SULF1: variants seen among roughly 807,000 people sequenced by gnomAD.
SULF1 encodes the protein sulfatase 1.
In SULF1, 46 loss-of-function variants were observed where a neutral mutation model predicts 110.5. The ratio of observed to expected loss-of-function variants is 0.42; its 90% CI spans 0.33 to 0.53. SULF1 has a LOEUF of 0.53. Ranked by LOEUF, SULF1 falls within the 20% of genes least tolerant of loss-of-function variation. SULF1 has a pLI of 0.12. For synonymous variants in SULF1, 371 were observed against 387.1 expected (o/e 0.96, Z 0.49); for missense variants, 941 against 1,094.2 (o/e 0.86, Z 1.98).
chr8:69,641,758 T>A (rs1331578048), intron 22 of SULF1, among the ~76,000 whole-genome samples: 3 of 151,480 alleles, frequency 2.0e-5, no homozygotes, highest in East Asian at 3.9e-4. Flanking sequence ...AATAAATAAA[T>A]AAATAAAAAA....
At chr8:69,606,761 G>T (rs895578477) in intron 13 of SULF1, among the ~76,000 whole-genome samples, 8 of 152,118 alleles carry the variant, frequency 5.3e-5, no homozygotes, top group African/African-American at 1.2e-4. Context: ...CATATTTTTT[G>T]AACTTGTTTT....
chr8:69,656,966 G>T (rs2130755374), intron 22 of SULF1, among the ~76,000 whole-genome samples: 1 of 152,252 alleles, frequency 6.6e-6, no homozygotes, highest in Non-Finnish European at 1.5e-5. Flanking sequence ...CTACTTCTCT[G>T]CAACCTTGCC....
At position 69,608,283 on chromosome 8, in the gene SULF1, T is replaced by A. The variant is rs190097101; in HGVS notation, c.1377+3351T>A. On this transcript the variant is annotated intron_variant, in intron 13 of 22. Coordinates refer to ENST00000402687, the MANE Select transcript of SULF1 (RefSeq NM_001128205.2). ...AAGTGATATTATACATGTAATGTACTAAAGTGAGACTGAGATTTTCTCTAG... is the reference window on the plus strand; with the variant it reads ...AAGTGATATTATACATGTAATGTACAAAAGTGAGACTGAGATTTTCTCTAG... Among the ~76,000 whole-genome samples the A allele has an allele frequency of 7.4e-4, 112 of 152,372 alleles. 2 individuals are homozygous for A. The highest frequency in any genetic ancestry group is 7.8e-4 in the Admixed American group (12 of 15,306).
chr8:69,655,399 A>G (rs1812650900), intron 22 of SULF1, among the ~76,000 whole-genome samples: 1 of 152,178 alleles, frequency 6.6e-6, no homozygotes, highest in Non-Finnish European at 1.5e-5. Flanking sequence ...TAATACTCCA[A>G]TACATATTCT....
chr8:69,571,532 A>G (rs1805232871), intron 5 of SULF1, among the ~76,000 whole-genome samples: 1 of 152,212 alleles, frequency 6.6e-6, no homozygotes, highest in African/African-American at 2.4e-5. Flanking sequence ...ATGAGTGTTC[A>G]GCTTTACAAT....
At chr8:69,645,720 T>A (rs1182357905) in intron 22 of SULF1, among the ~76,000 whole-genome samples, 1 of 146,696 alleles carries the variant, frequency 6.8e-6, no homozygotes, top group East Asian at 1.9e-4. Context: ...AAGACTCGTG[T>A]GGGGACTTAT....
chr8:69,516,754 G>T (rs1586279895), intron 3 of SULF1, among the ~76,000 whole-genome samples: 1 of 152,150 alleles, frequency 6.6e-6, no homozygotes, highest in Non-Finnish European at 1.5e-5. Flanking sequence ...TTACAAACAG[G>T]CAATGTTAAG....
intron 13 of SULF1, among the ~76,000 whole-genome samples, chr8:69,610,795 C>G (rs1391591790): frequency 6.6e-6 from 1 of 152,246 alleles, no homozygotes; most frequent in Admixed American, 6.5e-5. Flanking sequence ...CATTTCCTAA[C>G]AGCCCATCCT....
At chr8:69,580,869 A>T (rs908702231) in intron 6 of SULF1, among the ~76,000 whole-genome samples, 22 of 152,122 alleles carry the variant, frequency 1.4e-4, no homozygotes, top group Non-Finnish European at 2.6e-4. Context: ...TGGATCAAAA[A>T]TTTTTTTGTC....
intron 5 of SULF1, among the ~76,000 whole-genome samples, chr8:69,574,522 A>G (rs1368931720): frequency 6.6e-6 from 1 of 152,172 alleles, no homozygotes; most frequent in Non-Finnish European, 1.5e-5. Context: ...CTACTGCTGT[A>G]TTCACATTGT....
intron 19 of SULF1, among the ~76,000 whole-genome samples, chr8:69,630,095 A>G (rs1314645385): frequency 6.6e-6 from 1 of 152,222 alleles, no homozygotes; most frequent in African/African-American, 2.4e-5. Context: ...AAAGAATGGT[A>G]AAAGCCTCTT....
chr8:69,497,715 A>G (rs974732406), intron 2 of SULF1, among the ~76,000 whole-genome samples: 1 of 152,224 alleles, frequency 6.6e-6, no homozygotes, highest in African/African-American at 2.4e-5. Flanking sequence ...ATGAGTTTAC[A>G]AAGTTTCAGA....
chr8:69,589,254 C>T, intron 8 of SULF1, 113 bp downstream of exon 8: 1 of 1,089,778 alleles, frequency 9.2e-7, no homozygotes, highest in Non-Finnish European at 1.3e-6. Context: ...ACAAGGCTTT[C>T]TTCATGAAAG....
intron 13 of SULF1, among the ~76,000 whole-genome samples, chr8:69,605,541 G>GTTA (rs1438404017): frequency 6.6e-6 from 1 of 152,182 alleles, no homozygotes; most frequent in African/African-American, 2.4e-5. Context: ...CAGAATACCA[G>GTTA]TTATTATCAG....
At chr8:69,502,213 A>G (rs1810846168) in intron 3 of SULF1, among the ~76,000 whole-genome samples, 1 of 152,220 alleles carries the variant, frequency 6.6e-6, no homozygotes, top group African/African-American at 2.4e-5. Flanking sequence ...AACCATCTGA[A>G]AAATGGGAAT....
chr8:69,637,342 T>C (rs1811135302), intron 19 of SULF1, among the ~76,000 whole-genome samples: 1 of 152,222 alleles, frequency 6.6e-6, no homozygotes, highest in Admixed American at 6.5e-5. Context: ...CACTCCACTG[T>C]ATGTTCGTTA....
At chr8:69,655,061 A>C (rs1419716917) in intron 22 of SULF1, among the ~76,000 whole-genome samples, 8 of 152,224 alleles carry the variant, frequency 5.3e-5, no homozygotes, top group Non-Finnish European at 1.2e-4. Flanking sequence ...GCAATGCTTA[A>C]AATGGGTCTA....
At chr8:69,620,843 A>T (rs1809539644) in intron 13 of SULF1, among the ~76,000 whole-genome samples, 192 bp from the exon 14 acceptor site, 1 of 152,224 alleles carries the variant, frequency 6.6e-6, no homozygotes, top group Non-Finnish European at 1.5e-5. Context: ...GTATTTGCCT[A>T]CAGTGAAAGA....
Position 69,627,869 on chromosome 8 carries a change from G to A in SULF1, c.2042+3G>A. The A allele has an allele frequency of 6.2e-7, 1 of 1,608,280 alleles. No homozygotes were observed. The highest frequency in any genetic ancestry group is 1.7e-5 in the Admixed American group (1 of 59,604). On this transcript the variant is annotated splice_donor_region_variant and intron_variant, in intron 17 of 22. Transcript: ENST00000402687. ...GAATGTAGCTGCAGTAAACAAAGGT[G>A]AGCTTGTTTCCATCCATGCTCCACT...
Sources: gnomAD v4.1 joint callset for allele counts (sites outside exome capture counted in the v4.1 genomes callset) on GRCh38, gnomAD v4.1.1 for gene constraint, MANE v1.5 for transcripts, NCBI Gene and HGNC (gene_info 2026-07-23, HGNC 2026-07-21) for gene names.